Variants in BRIX1 observed in about 807,000 individuals in gnomAD.
The protein encoded by BRIX1 is biogenesis of ribosomes BRX1.
BRIX1 carries 15 observed loss-of-function variants against 44.0 expected under a neutral mutation model. The ratio of observed to expected loss-of-function variants is 0.34; its 90% CI spans 0.23 to 0.53. The LOEUF (loss-of-function observed/expected upper bound fraction) is 0.53, where lower values mean the gene tolerates loss of function less well. Ranked by LOEUF, BRIX1 falls within the 20% of genes least tolerant of loss-of-function variation. The probability of loss-of-function intolerance (pLI) is 0.95; values close to 1 mark genes in which losing one functional copy is unlikely to be tolerated. For synonymous variants in BRIX1, 149 were observed against 135.4 expected (o/e 1.10, Z -0.70); for missense variants, 420 against 432.8 (o/e 0.97, Z 0.26).
intron 8 of BRIX1, among the ~76,000 whole-genome samples, chr5:34,924,127 A>G (rs1242165810): frequency 6.6e-6 from 1 of 152,258 alleles, no homozygotes; most frequent in East Asian, 1.9e-4. Flanking sequence ...TGAGTCACAC[A>G]GTGACTCATT....
chr5:34,925,186 T>G, intron 9 of BRIX1, 40 bp from the exon 10 acceptor site: 1 of 1,517,090 alleles, frequency 6.6e-7, no homozygotes, highest in Non-Finnish European at 8.8e-7. Flanking sequence ...AATGTTTATT[T>G]TTATTTCAAA....
chr5:34,917,485 A>G (rs1764141308), intron 1 of BRIX1, among the ~76,000 whole-genome samples: 1 of 151,978 alleles, frequency 6.6e-6, no homozygotes, highest in African/African-American at 2.4e-5. Flanking sequence ...TACAAAAAAA[A>G]AAAAATCAGC....
intron 3 of BRIX1, chr5:34,920,789 A>T (rs1407386653): frequency 6.6e-6 from 1 of 151,952 alleles, no homozygotes; most frequent in African/African-American, 2.4e-5. Context: ...CAAACTTCCT[A>T]TTTTTGTGTT....
intron 8 of BRIX1, among the ~76,000 whole-genome samples, chr5:34,924,595 A>G (rs1269123285): frequency 2.6e-5 from 4 of 152,340 alleles, no homozygotes; most frequent in African/African-American, 9.6e-5. Context: ...TGTGACAAGC[A>G]AGATGTGAAC....
intron 9 of BRIX1, 46 bp downstream of exon 9, chr5:34,925,021 T>C (rs1286021232): frequency 1.3e-6 from 2 of 1,575,856 alleles, no homozygotes; most frequent in Admixed American, 3.9e-5. Context: ...CCAGAACCCT[T>C]TGGCCAAAAT....
At chr5:34,923,435 G>T (rs1764284925) in intron 8 of BRIX1, 8 of 566,848 alleles carry the variant, frequency 1.4e-5, no homozygotes, top group Admixed American at 6.1e-5. Context: ...CCATCATCAC[G>T]CCTGGCTAAT....
At chr5:34,919,540 T>G (rs1764195591) in intron 2 of BRIX1, among the ~76,000 whole-genome samples, 1 of 152,208 alleles carries the variant, frequency 6.6e-6, no homozygotes. Context: ...GTCTTTGGTT[T>G]GTGAGAATTT....
At chr5:34,921,909 A>C (rs1180464577) in intron 3 of BRIX1, 57 of 145,048 alleles carry the variant, frequency 3.9e-4, no homozygotes, top group East Asian at 7.6e-4. Flanking sequence ...CTGCATCGCA[A>C]AAAAAAAAAA....
Position 34,915,869 on chromosome 5 carries a change from G to C in BRIX1, c.131G>C (p.Arg44Thr). The change falls in exon 1 of 10, where the codon AGG (arginine) becomes ACG (threonine). Residue 44 changes from arginine (R) to threonine (T), a missense_variant. Transcript: ENST00000336767. The stretch of plus-strand genomic sequence containing the variant: ...GCAGAGGAGGTGGAGGAAGAAGAGA[G>C]GGACCGGATCCCAGGCCCCGTTTGC... ...ATAEEVEEEE[R>T]DRIPGPVCKG... The C allele has an allele frequency of 1.3e-6, 2 of 1,562,056 alleles. No homozygotes were observed. Among genetic ancestry groups the C allele is most frequent in the Non-Finnish European group, 1.7e-6 (2 of 1,152,960 alleles).
chr5:34,925,134 A>T, intron 9 of BRIX1, 92 bp from the exon 10 acceptor site: 2 of 1,445,006 alleles, frequency 1.4e-6, no homozygotes, highest in Non-Finnish European at 1.8e-6. Flanking sequence ...CACTGGCTGA[A>T]AGGATATATG....
rs116673008 is a variant in BRIX1 at position 34,924,807 on chromosome 5, C to T, written c.664-40C>T. 6,811 of 1,477,130 alleles carry T rather than the reference C, an allele frequency of 4.6e-3. 20 individuals are homozygous for T. The highest frequency in any genetic ancestry group is 5.3e-3 in the Non-Finnish European group (5,607 of 1,059,482). 91.5% of individuals were successfully genotyped at this position (1,477,130 alleles called of 1,614,324 possible). On this transcript the variant is annotated intron_variant, in intron 8 of 9. Coordinates refer to ENST00000336767, the MANE Select transcript of BRIX1 (RefSeq NM_018321.4). The stretch of plus-strand genomic sequence containing the variant: ...TAGCCAGTATACCTTTTGGGAATAA[C>T]GTAACCAAACCAAAATGAAATGTTT...
chr5:34,922,470 T>C (rs1202243979), intron 4 of BRIX1, 69 bp from the exon 5 acceptor site: 5 of 1,008,104 alleles, frequency 5.0e-6, no homozygotes, highest in Non-Finnish European at 7.7e-6. Context: ...ATATTATTTA[T>C]GGTGAATAGG....
Position 34,925,603 on chromosome 5 carries a change from T to A in BRIX1, c.*108T>A. 1.1e-6 allele frequency: 1 copy of A among 929,206 alleles called. No individual in the cohort carries two copies. The allele number at this position is 929,206 out of a possible 1,614,324, so 57.6% of individuals were successfully genotyped here. ...ATCTTACGTCTAATTAGTGTAGCAT[T>A]TACAAGAAAGAAAAATTAAGATCTT... On this transcript the variant is annotated 3_prime_UTR_variant, in exon 10 of 10. Transcript: ENST00000336767.
intron 1 of BRIX1, 67 bp downstream of exon 1, chr5:34,915,964 A>G (rs1764068411): frequency 6.8e-7 from 1 of 1,462,172 alleles, no homozygotes; most frequent in African/African-American, 1.4e-5. Context: ...TGGGTTACTT[A>G]CTTGACTACA....
chr5:34,924,156 G>A (rs1281563642), intron 8 of BRIX1, among the ~76,000 whole-genome samples: 2 of 152,228 alleles, frequency 1.3e-5, no homozygotes, highest in African/African-American at 4.8e-5. Flanking sequence ...AAGAGGAGGT[G>A]ACTCTAGAAA....
Position 34,915,828 on chromosome 5 carries a change from T to C in BRIX1, c.90T>C (p.Ala30=). 6.4e-7 allele frequency: 1 copy of C among 1,573,500 alleles called. No homozygotes were observed. The highest frequency in any genetic ancestry group is 8.6e-7 in the Non-Finnish European group (1 of 1,159,450). The change falls in exon 1 of 10, where the codon GCT becomes GCC. Residue 30 remains alanine (A), a synonymous_variant. Transcript: ENST00000336767. ...ACGAAATAGATGCGGAGCCGCCAGC[T>C]AAGCGGCACGCCACAGCAGAGGAGG... The part of the protein sequence containing the change: ...KRNEIDAEPP[A]KRHATAEEVE...
intron 1 of BRIX1, among the ~76,000 whole-genome samples, chr5:34,917,381 C>A (rs1475432917): frequency 1.3e-5 from 2 of 152,138 alleles, no homozygotes; most frequent in African/African-American, 4.8e-5. Flanking sequence ...CGCCTGTAAT[C>A]CCAGCACTTT....
At chr5:34,917,789 A>G (rs1432374624) in intron 1 of BRIX1, among the ~76,000 whole-genome samples, 1 of 152,172 alleles carries the variant, frequency 6.6e-6, no homozygotes, top group Non-Finnish European at 1.5e-5. Context: ...AAGGATTAAG[A>G]GTTGTGGGAA....
rs570893209 is a variant in BRIX1 at position 34,923,535 on chromosome 5, C to T, written c.663+301C>T. 2.0e-5 allele frequency among the ~76,000 whole-genome samples: 3 copies of T among 152,312 alleles called. No individual in the cohort carries two copies. In the South Asian group the frequency reaches 6.2e-4, roughly 32 times the overall value. ...TCAGGCCATCTGCCCGCCTTGGCCT[C>T]CCAAAGTGCTGGGATTCCAGGCGTG... is the stretch of plus-strand genomic sequence containing the variant. On this transcript the variant is annotated intron_variant, in intron 8 of 9. Coordinates refer to ENST00000336767, the MANE Select transcript of BRIX1 (RefSeq NM_018321.4).
Sources: allele counts gnomAD v4.1 joint callset (sites outside exome capture counted in the v4.1 genomes callset), GRCh38; gene constraint gnomAD v4.1.1; transcripts MANE v1.5; gene names NCBI Gene and HGNC (gene_info 2026-07-23, HGNC 2026-07-21).